Variants in GPC5 observed in about 807,000 individuals in gnomAD.
GPC5 encodes the protein glypican 5.
Under a neutral mutation model 53.9 loss-of-function variants are expected in GPC5, and 47 were observed. The ratio of observed to expected loss-of-function variants is 0.87; its 90% CI spans 0.69 to 1.11. GPC5 has a LOEUF of 1.11. Among genes scored for constraint, GPC5 ranks in the 50% most tolerant of loss-of-function variants. The pLI is 0.00. For missense variants in GPC5, 748 were observed against 713.1 expected, an observed-to-expected ratio of 1.05 and a Z score of -0.56; for synonymous variants, 286 against 263.3, an observed-to-expected ratio of 1.09 and a Z score of -0.84.
At chr13:92,389,695 A>G (rs1874906744) in intron 7 of GPC5, among the ~76,000 whole-genome samples, 1 of 152,108 alleles carries the variant, frequency 6.6e-6, no homozygotes. Flanking sequence ...ATTAATAGAC[A>G]CTTAACTTCA....
chr13:91,673,621 A>C (rs751462583), intron 2 of GPC5, among the ~76,000 whole-genome samples: 17 of 152,304 alleles, frequency 1.1e-4, no homozygotes, highest in Admixed American at 5.2e-4. Flanking sequence ...AAACCGGTGC[A>C]GGAAATACCA....
intron 7 of GPC5, among the ~76,000 whole-genome samples, chr13:92,574,405 T>TC (rs750395556): frequency 6.6e-6 from 1 of 152,206 alleles, no homozygotes; most frequent in Non-Finnish European, 1.5e-5. Context: ...TAATTTTTTT[T>TC]CAAAGTTTGT....
intron 7 of GPC5, among the ~76,000 whole-genome samples, chr13:92,795,070 T>C (rs1268234622): frequency 2.0e-5 from 3 of 152,140 alleles, no homozygotes; most frequent in Non-Finnish European, 4.4e-5. Flanking sequence ...AGAGCCCGCA[T>C]AGCCAAGAGA....
At chr13:91,490,490 A>G (rs897240124) in intron 2 of GPC5, among the ~76,000 whole-genome samples, 2 of 152,154 alleles carry the variant, frequency 1.3e-5, no homozygotes, top group Non-Finnish European at 2.9e-5. Context: ...TATTTAATTG[A>G]TAATCCTTAT....
intron 5 of GPC5, among the ~76,000 whole-genome samples, chr13:91,798,691 G>A (rs535370085): frequency 6.6e-6 from 1 of 151,906 alleles, no homozygotes; most frequent in Admixed American, 6.6e-5. Flanking sequence ...ATTCCTTTAC[G>A]TATATATCCA....
chr13:91,747,696 A>G (rs1464520352), intron 4 of GPC5, among the ~76,000 whole-genome samples: 2 of 151,376 alleles, frequency 1.3e-5, no homozygotes, highest in Non-Finnish European at 2.9e-5. Flanking sequence ...AGAATGTGAT[A>G]ATTTCCATAA....
chr13:92,037,944 G>T (rs1345454523), intron 6 of GPC5, among the ~76,000 whole-genome samples: 2 of 152,096 alleles, frequency 1.3e-5, no homozygotes, highest in Non-Finnish European at 2.9e-5. Context: ...ATCTAAAAAT[G>T]ATCGTTCTGG....
intron 7 of GPC5, among the ~76,000 whole-genome samples, chr13:92,325,727 A>T (rs1387397868): frequency 6.6e-6 from 1 of 152,082 alleles, no homozygotes; most frequent in Non-Finnish European, 1.5e-5. Context: ...CAAGCTAATT[A>T]TGCTGAGTGA....
At chr13:92,771,898 G>C (rs1444407579) in intron 7 of GPC5, among the ~76,000 whole-genome samples, 4 of 151,964 alleles carry the variant, frequency 2.6e-5, no homozygotes, top group Non-Finnish European at 5.9e-5. Flanking sequence ...CTAATAAATA[G>C]GAAAATCAAA....
chr13:92,618,319 T>A lies in GPC5; in HGVS notation c.1562-247963T>A, dbSNP rs568642921. The stretch of plus-strand genomic sequence containing the variant: ...ATCTGATCACTGACAATATGACATA[T>A]TATTACAAGGAAAACTAGAAAAAAG... On this transcript the variant is annotated intron_variant, in intron 7 of 7. Transcript: ENST00000377067. 3.9e-5 allele frequency among the ~76,000 whole-genome samples: 6 copies of A among 152,250 alleles called. No homozygotes were observed. The South Asian group carries it at 1.2e-3, about 32-fold the overall frequency.
intron 7 of GPC5, among the ~76,000 whole-genome samples, chr13:92,574,314 T>G (rs991826314): frequency 1.3e-5 from 2 of 152,170 alleles, no homozygotes; most frequent in African/African-American, 4.8e-5. Flanking sequence ...TAGAAACTCA[T>G]TTAATCCTCT....
chr13:91,799,474 G>A (rs1386092083), intron 5 of GPC5, among the ~76,000 whole-genome samples: 1 of 152,048 alleles, frequency 6.6e-6, no homozygotes, highest in Non-Finnish European at 1.5e-5. Flanking sequence ...TGTGTTCCCT[G>A]ATTCTAAAAT....
At chr13:92,768,252 A>G (rs1196635385) in intron 7 of GPC5, among the ~76,000 whole-genome samples, 2 of 152,184 alleles carry the variant, frequency 1.3e-5, no homozygotes, top group African/African-American at 4.8e-5. Context: ...CTTTTTGGTG[A>G]TTATTGATAT....
chr13:91,778,041 C>G (rs1440519164), intron 5 of GPC5, among the ~76,000 whole-genome samples: 1 of 151,840 alleles, frequency 6.6e-6, no homozygotes, highest in Non-Finnish European at 1.5e-5. Flanking sequence ...TCTTCAAATT[C>G]TAGGGATGGC....
intron 7 of GPC5, among the ~76,000 whole-genome samples, chr13:92,720,815 C>G (rs1326696231): frequency 3.9e-5 from 6 of 151,996 alleles, no homozygotes; most frequent in Non-Finnish European, 8.8e-5. Context: ...TGTGTATTTT[C>G]CTTTACTAAA....
At chr13:91,575,482 G>A (rs912662113) in intron 2 of GPC5, among the ~76,000 whole-genome samples, 47 of 152,126 alleles carry the variant, frequency 3.1e-4, no homozygotes, top group Admixed American at 1.8e-3. Context: ...AAATAGAGAT[G>A]TTGAGAATAA....
intron 2 of GPC5, among the ~76,000 whole-genome samples, chr13:91,653,273 A>G (rs73609984): frequency 0.065 from 9,858 of 152,226 alleles, 1,080 homozygotes; most frequent in African/African-American, 0.22. Flanking sequence ...TTGGCTTTTA[A>G]TAAACCCTTA....
At chr13:92,223,678 G>A (rs899300748) in intron 7 of GPC5, among the ~76,000 whole-genome samples, 1 of 151,244 alleles carries the variant, frequency 6.6e-6, no homozygotes, top group African/African-American at 2.4e-5. Context: ...TCAGGGTGGT[G>A]GTAAAAATTG....
At chr13:91,568,713 T>C (rs2031648385) in intron 2 of GPC5, among the ~76,000 whole-genome samples, 2 of 151,970 alleles carry the variant, frequency 1.3e-5, no homozygotes, top group South Asian at 4.1e-4. Flanking sequence ...AAATAGGCTT[T>C]CCATAGCAAA....
Sources: allele counts gnomAD v4.1 joint callset (sites outside exome capture counted in the v4.1 genomes callset), GRCh38; gene constraint gnomAD v4.1.1; transcripts MANE v1.5; gene names NCBI Gene and HGNC (gene_info 2026-07-23, HGNC 2026-07-21).